Variants in TENM2 observed in about 807,000 individuals in gnomAD.
The protein encoded by TENM2 is teneurin-2.
Under a neutral mutation model 245.2 loss-of-function variants are expected in TENM2, and 52 were observed. The observed-to-expected ratio is 0.21, with a 90% CI of 0.17 to 0.27. TENM2 has a LOEUF of 0.27. Among genes scored for constraint, TENM2 ranks in the 10% least tolerant of loss-of-function variants. The pLI is 1.00. For missense variants in TENM2, 3,046 were observed against 3,666.8 expected (o/e 0.83, Z 4.37); for synonymous variants, 1,363 against 1,438.9 (o/e 0.95, Z 1.19).
chr5:167,780,733 A>G (rs1764133315), intron 2 of TENM2, among the ~76,000 whole-genome samples: 1 of 152,188 alleles, frequency 6.6e-6, no homozygotes, highest in African/African-American at 2.4e-5. Context: ...TAATTAATTG[A>G]TAAAAATGTT....
At chr5:168,156,264 A>AAAAAAAAAAC (rs1337595983) in intron 12 of TENM2, among the ~76,000 whole-genome samples, 2 of 150,902 alleles carry the variant, frequency 1.3e-5, no homozygotes, top group East Asian at 1.9e-4. Context: ...AAAAAAAAAA[A>AAAAAAAAAAC]AACACTTTTT....
At chr5:167,617,705 C>T (rs192108376) in intron 2 of TENM2, among the ~76,000 whole-genome samples, 76 of 152,232 alleles carry the variant, frequency 5.0e-4, no homozygotes, top group African/African-American at 1.7e-3. Flanking sequence ...GCCAGCGAGC[C>T]TAATGCTATG....
chr5:166,985,093 CT>C, the TENM2 span, among the ~76,000 whole-genome samples: 1 of 152,040 alleles, frequency 6.6e-6, no homozygotes, highest in African/African-American at 2.4e-5. Flanking sequence ...GATTTTTGCT[CT>C]TTATGTCTAA....
At chr5:167,630,135 CTT>C (rs77793874) in intron 2 of TENM2, among the ~76,000 whole-genome samples, 32 of 144,210 alleles carry the variant, frequency 2.2e-4, no homozygotes, top group South Asian at 6.6e-4. Flanking sequence ...CCTCAGCATC[CTT>C]TTTTTTTTTT....
intron 4 of TENM2, among the ~76,000 whole-genome samples, chr5:167,977,291 A>G (rs1202600103): frequency 6.6e-6 from 1 of 152,192 alleles, no homozygotes; most frequent in African/African-American, 2.4e-5. Flanking sequence ...GTTTATCTAT[A>G]TAACAAACCT....
chr5:167,302,746 G>A (rs376010376), intron 1 of TENM2, among the ~76,000 whole-genome samples: 17 of 152,126 alleles, frequency 1.1e-4, no homozygotes, highest in Middle Eastern at 3.4e-3. Context: ...CCAGAAAAGC[G>A]GAGAAGGGGT....
the TENM2 span, among the ~76,000 whole-genome samples, chr5:167,222,253 C>T: frequency 6.6e-6 from 1 of 152,136 alleles, no homozygotes; most frequent in African/African-American, 2.4e-5. Context: ...TTCACATATG[C>T]AATGGAGGAT....
chr5:168,170,919 G>A (rs1485242098), intron 13 of TENM2, among the ~76,000 whole-genome samples: 4 of 152,154 alleles, frequency 2.6e-5, no homozygotes, highest in Admixed American at 2.6e-4. Context: ...TTGGCTTAGA[G>A]GGCCCTCTGT....
chr5:168,126,179 CA>C (rs1184269379), intron 11 of TENM2, among the ~76,000 whole-genome samples: 1 of 152,150 alleles, frequency 6.6e-6, no homozygotes, highest in East Asian at 1.9e-4. Flanking sequence ...GCCAAGGTAC[CA>C]ATCTGGGTAA....
chr5:167,757,150 G>T (rs1042572794), intron 2 of TENM2, among the ~76,000 whole-genome samples: 7 of 150,032 alleles, frequency 4.7e-5, no homozygotes, highest in African/African-American at 1.7e-4. Context: ...GTGCAGTTTT[G>T]TTACATAGGT....
the TENM2 span, among the ~76,000 whole-genome samples, chr5:166,998,831 A>G: frequency 6.6e-6 from 1 of 152,144 alleles, no homozygotes; most frequent in Non-Finnish European, 1.5e-5. Context: ...ACAAAAGTGA[A>G]GCCTTTACGT....
At chr5:168,212,186 T>TA (rs35000778) in intron 20 of TENM2, among the ~76,000 whole-genome samples, 48,972 of 145,810 alleles carry the variant, frequency 0.34, 9,735 homozygotes, top group East Asian at 0.6. Context: ...TGGTCATCTT[T>TA]AAAAAAAAAA....
At chr5:167,334,046 T>G (rs566917960) in intron 1 of TENM2, among the ~76,000 whole-genome samples, 1 of 152,318 alleles carries the variant, frequency 6.6e-6, no homozygotes, top group Non-Finnish European at 1.5e-5. Context: ...TAAATATACC[T>G]TATATTTATT....
chr5:167,935,039 A>G, intron 3 of TENM2: 2 of 381,182 alleles, frequency 5.2e-6, no homozygotes, highest in Non-Finnish European at 7.2e-6. Flanking sequence ...GGGAAAGGTC[A>G]GAACACCTCA....
At chr5:167,274,634 A>T in the TENM2 span, among the ~76,000 whole-genome samples, 2 of 150,048 alleles carry the variant, frequency 1.3e-5, no homozygotes, top group African/African-American at 2.4e-5. Flanking sequence ...TCACTGCATG[A>T]GTGATCCAGT....
intron 12 of TENM2, among the ~76,000 whole-genome samples, chr5:168,142,085 A>C (rs77902467): frequency 3.3e-3 from 497 of 152,328 alleles, no homozygotes; most frequent in African/African-American, 0.011. Context: ...ATCCCAGAGA[A>C]AGAATGTCCA....
At chr5:167,506,054 C>G (rs529129584) in intron 2 of TENM2, among the ~76,000 whole-genome samples, 5 of 151,952 alleles carry the variant, frequency 3.3e-5, no homozygotes, top group Admixed American at 3.3e-4. Flanking sequence ...AGGCATAAAA[C>G]ATTAGTAGGA....
chr5:167,363,979 A>G (rs2127275404), intron 1 of TENM2, among the ~76,000 whole-genome samples: 1 of 152,254 alleles, frequency 6.6e-6, no homozygotes, highest in East Asian at 1.9e-4. Flanking sequence ...AACAGTGAAT[A>G]TGAGTTCAAG....
chr5:167,760,559 G>T (rs1167766376), intron 2 of TENM2, among the ~76,000 whole-genome samples: 3 of 152,142 alleles, frequency 2.0e-5, no homozygotes, highest in Non-Finnish European at 4.4e-5. Context: ...ATTGGTAATT[G>T]TCCCTAGAGT....
Sources: allele counts gnomAD v4.1 joint callset (sites outside exome capture counted in the v4.1 genomes callset), GRCh38; gene constraint gnomAD v4.1.1; transcripts MANE v1.5; gene names NCBI Gene and HGNC (gene_info 2026-07-23, HGNC 2026-07-21).